Variants in HSD17B12 observed in about 807,000 individuals in gnomAD.
HSD17B12 encodes very-long-chain 3-oxoacyl-CoA reductase.
In HSD17B12, 32 loss-of-function variants were observed where a neutral mutation model predicts 39.3. The ratio of observed to expected loss-of-function variants is 0.81; its 90% CI spans 0.61 to 1.09. HSD17B12 has a LOEUF of 1.09. HSD17B12 is among the 50% of genes least tolerant of loss of function. The probability of loss-of-function intolerance (pLI) is 0.00; values close to 1 mark genes in which losing one functional copy is unlikely to be tolerated. For missense variants in HSD17B12, 342 were observed against 382.9 expected, an observed-to-expected ratio of 0.89 and a Z score of 0.89; for synonymous variants, 150 against 146.7, an observed-to-expected ratio of 1.02 and a Z score of -0.16.
the HSD17B12 span, among the ~76,000 whole-genome samples, chr11:43,560,693 C>T: frequency 2.7e-4 from 41 of 152,282 alleles, no homozygotes; most frequent in African/African-American, 9.4e-4. Context: ...ATCCCATAGA[C>T]TTCACTTACA....
intron 1 of HSD17B12, among the ~76,000 whole-genome samples, chr11:43,707,332 A>G (rs1950025910): frequency 6.6e-6 from 1 of 152,244 alleles, no homozygotes; most frequent in African/African-American, 2.4e-5. Flanking sequence ...AGAGGAGGAT[A>G]GAGAGGAAGT....
intron 1 of HSD17B12, among the ~76,000 whole-genome samples, chr11:43,709,559 A>T (rs1174869229): frequency 6.6e-6 from 1 of 152,208 alleles, no homozygotes; most frequent in African/African-American, 2.4e-5. Flanking sequence ...CTCTGGTAGG[A>T]TGTATTCAGT....
intron 1 of HSD17B12, among the ~76,000 whole-genome samples, chr11:43,683,177 A>C (rs1479291226): frequency 3.3e-5 from 5 of 151,188 alleles, no homozygotes; most frequent in African/African-American, 1.2e-4. Context: ...AGTCATCTAC[A>C]TATGAGTGTA....
the HSD17B12 span, among the ~76,000 whole-genome samples, chr11:43,582,533 C>T: frequency 4.6e-5 from 7 of 152,186 alleles, no homozygotes; most frequent in Non-Finnish European, 7.3e-5. Context: ...ACATGAGTGC[C>T]CACAGGGACA....
the HSD17B12 span, among the ~76,000 whole-genome samples, chr11:43,632,022 G>A: frequency 6.6e-6 from 1 of 152,112 alleles, no homozygotes; most frequent in Non-Finnish European, 1.5e-5. Flanking sequence ...AGGGGGAGGA[G>A]GAGGGGTAAA....
At chr11:43,577,229 G>C in the HSD17B12 span, among the ~76,000 whole-genome samples, 11 of 152,346 alleles carry the variant, frequency 7.2e-5, no homozygotes, top group African/African-American at 2.4e-4. Flanking sequence ...GGCGGGGTTG[G>C]CGCCAGCTGC....
chr11:43,828,356 A>C (rs1951271135), intron 6 of HSD17B12, among the ~76,000 whole-genome samples: 1 of 47,288 alleles, frequency 2.1e-5, no homozygotes, highest in South Asian at 9.2e-4. Flanking sequence ...TTTAGCCGGG[A>C]TGGTCTCGAT....
chr11:43,673,697 AT>A, the HSD17B12 span, among the ~76,000 whole-genome samples: 2 of 146,392 alleles, frequency 1.4e-5, no homozygotes, highest in African/African-American at 2.5e-5. Flanking sequence ...GTTTGTTTGT[AT>A]TTTTTGTAGA....
At chr11:43,708,422 A>G (rs1950034653) in intron 1 of HSD17B12, among the ~76,000 whole-genome samples, 1 of 152,208 alleles carries the variant, frequency 6.6e-6, no homozygotes, top group African/African-American at 2.4e-5. Context: ...ATTTTGCAGT[A>G]CACCCTTAGG....
chr11:43,768,428 C>T (rs1000131006), intron 3 of HSD17B12, among the ~76,000 whole-genome samples: 1 of 152,200 alleles, frequency 6.6e-6, no homozygotes, highest in African/African-American at 2.4e-5. Flanking sequence ...AATCTTGGTT[C>T]ACTGCAGCCT....
intron 1 of HSD17B12, among the ~76,000 whole-genome samples, chr11:43,735,462 T>TAC (rs1950308200): frequency 4.6e-5 from 7 of 152,236 alleles, no homozygotes; most frequent in Non-Finnish European, 8.8e-5. Context: ...ACGGTCAACC[T>TAC]AGTGTGTCAC....
chr11:43,704,577 A>AT (rs1949996852), intron 1 of HSD17B12, among the ~76,000 whole-genome samples: 1 of 152,178 alleles, frequency 6.6e-6, no homozygotes, highest in Admixed American at 6.5e-5. Context: ...GTACTGTGTA[A>AT]TCATATGCTT....
At chr11:43,678,265 C>T (rs7483428), upstream of HSD17B12, among the ~76,000 whole-genome samples, 107,478 of 152,036 alleles carry the variant, frequency 0.71, 38,668 homozygotes, top group East Asian at 0.97. Flanking sequence ...CTTTTGCCCA[C>T]TTGTTGATGG....
the HSD17B12 span, among the ~76,000 whole-genome samples, chr11:43,658,402 A>G: frequency 2.0e-4 from 31 of 152,260 alleles, 1 homozygote; most frequent in Middle Eastern, 0.01. Flanking sequence ...TGTGAAAGTC[A>G]TTCTCCATCC....
Position 43,746,461 on chromosome 11 carries a change from T to G in HSD17B12, c.161-4450T>G, listed in dbSNP as rs138127354. 2.0e-3 allele frequency among the ~76,000 whole-genome samples: 310 copies of G among 152,296 alleles called. 3 individuals are homozygous for G. Among genetic ancestry groups the G allele is most frequent in the African/African-American group, 7.2e-3 (300 of 41,556 alleles). Reference sequence around the variant, plus strand: ...ACCAGGTCAGGATCCTCAATATCAGTGTCTTTTACCTCCACATTTTGTCCC... The same window carrying G: ...ACCAGGTCAGGATCCTCAATATCAGGGTCTTTTACCTCCACATTTTGTCCC... On this transcript the variant is annotated intron_variant, in intron 1 of 10. Transcript: ENST00000278353.
intron 6 of HSD17B12, chr11:43,829,896 T>C (rs1951291049): frequency 6.6e-6 from 1 of 152,196 alleles, no homozygotes; most frequent in African/African-American, 2.4e-5. Flanking sequence ...TCAAATACTG[T>C]TAGGGTTTTG....
the HSD17B12 span, among the ~76,000 whole-genome samples, chr11:43,671,364 A>G: frequency 6.6e-6 from 1 of 152,162 alleles, no homozygotes; most frequent in Non-Finnish European, 1.5e-5. Context: ...ATTTTTTAGT[A>G]GAGACGGGGT....
intron 1 of HSD17B12, among the ~76,000 whole-genome samples, chr11:43,746,058 G>A (rs1005785032): frequency 6.6e-6 from 1 of 152,138 alleles, no homozygotes; most frequent in African/African-American, 2.4e-5. Context: ...TGTCTAGGAC[G>A]CTTACTGTGA....
Position 43,725,352 on chromosome 11 carries a change from T to G in HSD17B12, c.161-25559T>G, listed in dbSNP as rs116950500. Among the ~76,000 whole-genome samples the G allele has an allele frequency of 6.8e-4, 104 of 152,334 alleles. No individual in the cohort carries two copies. In the East Asian group the frequency reaches 0.018, roughly 26 times the overall value. On this transcript the variant is annotated intron_variant, in intron 1 of 10. Transcript: ENST00000278353. ...AATGTGCTAAAAATACTGAACATCA[T>G]GCCTAGCACATAGTAAGCACATAAT...
Sources: gnomAD v4.1 joint callset for allele counts (sites outside exome capture counted in the v4.1 genomes callset) on GRCh38, gnomAD v4.1.1 for gene constraint, MANE v1.5 for transcripts, NCBI Gene and HGNC (gene_info 2026-07-23, HGNC 2026-07-21) for gene names.